The following RETSAT variants were observed in gnomAD, a reference collection of about 807,000 sequenced individuals.
RETSAT encodes retinol saturase, also known as all-trans-retinol 13,14-reductase.
A neutral mutation model predicts 61.6 loss-of-function variants in RETSAT; 35 were observed. The ratio of observed to expected loss-of-function variants is 0.57; its 90% CI spans 0.43 to 0.75. RETSAT has a LOEUF of 0.75. Ranked by LOEUF, RETSAT falls within the 30% of genes least tolerant of loss-of-function variation. The probability of loss-of-function intolerance (pLI) is 0.00; values close to 1 mark genes in which losing one functional copy is unlikely to be tolerated. For missense variants in RETSAT, 670 were observed against 759.5 expected, an observed-to-expected ratio of 0.88 and a Z score of 1.38; for synonymous variants, 277 against 310.4, an observed-to-expected ratio of 0.89 and a Z score of 1.13.
At position 85,349,546 on chromosome 2, in the gene RETSAT, C is replaced by T. The variant is rs149931287; in HGVS notation, c.835G>A (p.Ala279Thr). ...TTCATGTAGTGGTTGACCAGCAGGG[C>T]GTGCATGGAAAAGGCACTGTGGTTG... Reference protein sequence around the residue: ...TPNHSAFSMHALLVNHYMKGG... With the variant: ...TPNHSAFSMHTLLVNHYMKGG... Residue 279 changes from alanine to threonine, a missense_variant, in exon 5 of 11, where the codon GCC becomes ACC. By Grantham distance (58) the Ala-to-Thr change is moderately conservative. Transcript: ENST00000295802. 3.6e-4 allele frequency: 584 copies of T among 1,613,996 alleles called. No individual in the cohort carries two copies. The highest frequency in any genetic ancestry group is 8.8e-4 in the Admixed American group (53 of 59,994).
At position 85,350,793 on chromosome 2, in the gene RETSAT, A is replaced by C. The variant is rs1202573412; in HGVS notation, c.584T>G (p.Ile195Arg). 1.2e-6 allele frequency: 2 copies of C among 1,614,070 alleles called. No individual in the cohort carries two copies. Among genetic ancestry groups the C allele is most frequent in the African/African-American group, 2.7e-5 (2 of 74,928 alleles). The change falls in exon 3 of 11, where the codon ATA becomes AGA. Residue 195 changes from isoleucine (I) to arginine (R), a missense_variant. By Grantham distance (97) the Ile-to-Arg change is moderately conservative. Transcript: ENST00000295802. The stretch of plus-strand genomic sequence containing the variant: ...TGTCCATGTTACCTTAACCAGCTTT[A>C]TATACTTGTCAATGATAGCTTCCTC... ...PQEEAIIDKY[I>R]KLVKVVSSGA... is the part of the protein sequence containing the mutation.
chr2:85,354,270 A>T, intron 1 of RETSAT, 66 bp downstream of exon 1: 2 of 1,588,448 alleles, frequency 1.3e-6, no homozygotes, highest in African/African-American at 2.7e-5. Context: ...GCCTTGGCAA[A>T]ATGAGAACCC....
Position 85,349,447 on chromosome 2 carries a change from C to G in RETSAT, c.934G>C (p.Gly312Arg). 6.2e-7 allele frequency: 1 copy of G among 1,614,184 alleles called. No individual in the cohort carries two copies. Among genetic ancestry groups the G allele is most frequent in the Non-Finnish European group, 8.5e-7 (1 of 1,180,038 alleles). ...HTIPVIQRAG[G>R]AVLTKATVQS... ...ACAGTGGCCTTTGTGAGGACAGCGC[C>G]CCCAGCCCGCTGAATCACAGGGATG... The change falls in exon 5 of 11, where the codon GGC becomes CGC. Residue 312 changes from glycine to arginine, a missense_variant. By Grantham distance (125) the Gly-to-Arg change is moderately radical. Coordinates refer to ENST00000295802, the MANE Select transcript of RETSAT (RefSeq NM_017750.4).
chr2:85,351,902 G>C, intron 1 of RETSAT, 40 bp from the exon 2 acceptor site: 1 of 1,591,592 alleles, frequency 6.3e-7, no homozygotes, highest in African/African-American at 1.3e-5. Context: ...CTCAGGCAGG[G>C]GCAGGGAAAT....
rs1208065747 is a variant in RETSAT, at chr2:85,350,179, C to G, written c.660G>C (p.Gln220His). ...LLKFLPLPVV[Q>H]LLDRCGLLTR... Reference sequence around the variant, plus strand: ...TCAGCAGCCCACACCTGTCGAGGAGCTGAACCACGGGCAATGGGAGGAATT... The same window carrying G: ...TCAGCAGCCCACACCTGTCGAGGAGGTGAACCACGGGCAATGGGAGGAATT... The change falls in exon 4 of 11, where the codon CAG becomes CAC. Residue 220 changes from glutamine (Q) to histidine (H), a missense_variant. By Grantham distance (24) the Gln-to-His change is conservative. Coordinates refer to ENST00000295802, the MANE Select transcript of RETSAT (RefSeq NM_017750.4). 6.2e-7 allele frequency: 1 copy of G among 1,613,898 alleles called. No homozygotes were observed. The highest frequency in any genetic ancestry group is 8.5e-7 in the Non-Finnish European group (1 of 1,180,034).
At chr2:85,343,406 T>G in intron 10 of RETSAT, 25 bp from the exon 11 acceptor site, 2 of 1,604,280 alleles carry the variant, frequency 1.2e-6, no homozygotes, top group Non-Finnish European at 1.7e-6. Flanking sequence ...CAGAGGCCCC[T>G]GAGCGTGCAC....
intron 1 of RETSAT, among the ~76,000 whole-genome samples, chr2:85,353,404 A>G (rs879464571): frequency 1.3e-5 from 2 of 152,274 alleles, no homozygotes; most frequent in Non-Finnish European, 2.9e-5. Flanking sequence ...ACTGCACTCT[A>G]GCATGGACAA....
At chr2:85,351,187 A>T (rs1683292999) in intron 2 of RETSAT, among the ~76,000 whole-genome samples, 166 bp from the exon 3 acceptor site, 1 of 152,124 alleles carries the variant, frequency 6.6e-6, no homozygotes, top group Admixed American at 6.5e-5. Context: ...AAACCGCCAG[A>T]TCGCTGCCCG....
chr2:85,344,381 G>A, intron 7 of RETSAT, 33 bp from the exon 8 acceptor site: 1 of 1,606,766 alleles, frequency 6.2e-7, no homozygotes, highest in Non-Finnish European at 8.5e-7. Flanking sequence ...GGGATCTCCA[G>A]GTTTTTGTCC....
intron 2 of RETSAT, among the ~76,000 whole-genome samples, chr2:85,351,238 C>A (rs1256777872): frequency 6.6e-6 from 1 of 152,058 alleles, no homozygotes; most frequent in Non-Finnish European, 1.5e-5. Flanking sequence ...AAGAAAACTG[C>A]CCAGAGGCTG....
intron 5 of RETSAT, among the ~76,000 whole-genome samples, chr2:85,347,265 C>T (rs1323693319): frequency 1.3e-5 from 2 of 152,004 alleles, no homozygotes; most frequent in South Asian, 4.2e-4. Flanking sequence ...AGCCTCGCTC[C>T]GTTGCCCAGG....
intron 6 of RETSAT, among the ~76,000 whole-genome samples, chr2:85,345,002 G>A (rs968753072): frequency 1.3e-5 from 2 of 152,220 alleles, no homozygotes; most frequent in Middle Eastern, 3.2e-3. Context: ...GGCCAGGACA[G>A]TGTCAGTTCC....
chr2:85,351,610 C>T lies in RETSAT; in HGVS notation c.355+70G>A, dbSNP rs1683300539. ...AAACAACAGAAATGCTCAGTATCAC[C>T]CCACAAGGGCTGCTCCAAGCCTCTT... is the stretch of plus-strand genomic sequence containing the variant. On this transcript the variant is annotated intron_variant, in intron 2 of 10. Transcript: ENST00000295802. 11 of 1,462,496 alleles carry T rather than the reference C, an allele frequency of 7.5e-6. No homozygotes were observed. In the Admixed American group the frequency reaches 1.6e-4, roughly 22 times the overall value. 90.6% of individuals were successfully genotyped at this position (1,462,496 alleles called of 1,614,324 possible).
Position 85,344,131 on chromosome 2 carries a change from G to T in RETSAT, c.1401C>A (p.Ala467=). Residue 467 remains alanine (A), a synonymous_variant, in exon 9 of 11, where the codon GCC becomes GCA. Coordinates refer to ENST00000295802, the MANE Select transcript of RETSAT (RefSeq NM_017750.4). ...CCTGCCACTCCTCAAACCACTCGTA[G>T]GCAGTGGGTATGAGCATGATCATGG... is the stretch of plus-strand genomic sequence containing the variant. ...RSTMIMLIPT[A]YEWFEEWQAE... 6.2e-7 allele frequency: 1 copy of T among 1,614,082 alleles called. No individual in the cohort carries two copies. The highest frequency in any genetic ancestry group is 8.5e-7 in the Non-Finnish European group (1 of 1,180,016).
rs780432354 is a variant in RETSAT, at chr2:85,344,184, A to G, written c.1367-19T>C. The G allele has an allele frequency of 1.9e-6, 3 of 1,613,990 alleles. No homozygotes were observed. Among genetic ancestry groups the G allele is most frequent in the South Asian group, 2.2e-5 (2 of 91,082 alleles). On this transcript the variant is annotated intron_variant, in intron 8 of 10. Coordinates refer to ENST00000295802, the MANE Select transcript of RETSAT (RefSeq NM_017750.4). ...GACCGGCCTGGGGATCAGAGCTGAT[A>G]TTACTACTGCCCGGCCTCTCCCTCC...
chr2:85,343,390 C>T lies in RETSAT; in HGVS notation c.1694-9G>A. On this transcript the variant is annotated splice_polypyrimidine_tract_variant and intron_variant, in intron 10 of 10. Coordinates refer to ENST00000295802, the MANE Select transcript of RETSAT (RefSeq NM_017750.4). ...GGTGAAGATATCCTGGCCTAGGAGG[C>T]AAGAGCAGAGGCCCCTGAGCGTGCA... 6.2e-7 allele frequency: 1 copy of T among 1,610,118 alleles called. No homozygotes were observed. The highest frequency in any genetic ancestry group is 8.5e-7 in the Non-Finnish European group (1 of 1,177,478).
At position 85,350,927 on chromosome 2, in the gene RETSAT, G is replaced by T. The variant is rs139170717; in HGVS notation, c.450C>A (p.Ser150=). The change falls in exon 3 of 11, where the codon TCC becomes TCA. Residue 150 remains serine, a synonymous_variant. Coordinates refer to ENST00000295802, the MANE Select transcript of RETSAT (RefSeq NM_017750.4). ...TEGQLDWAPL[S]SPFDIMVLEG... is the part of the protein sequence containing the mutation. ...CCAGTACCATGATGTCAAAAGGAGA[G>T]GACAGGGGAGCCCAGTCCAGCTGCC... 113 of 1,614,068 alleles carry T rather than the reference G, an allele frequency of 7.0e-5. No individual in the cohort carries two copies. The highest frequency in any genetic ancestry group is 9.2e-5 in the Non-Finnish European group (109 of 1,180,046).
intron 6 of RETSAT, chr2:85,345,653 G>A (rs1683184100): frequency 4.8e-6 from 2 of 418,702 alleles, no homozygotes; most frequent in Non-Finnish European, 9.0e-6. Flanking sequence ...TTCTCTTCCT[G>A]AGGCCTCTTC....
At position 85,342,911 on chromosome 2, in the gene RETSAT, G is replaced by A; in HGVS notation, c.*331C>T. 2 of 273,262 alleles carry A rather than the reference G, an allele frequency of 7.3e-6. No homozygotes were observed. The highest frequency in any genetic ancestry group is 1.5e-5 in the Non-Finnish European group (2 of 136,492). 16.9% of individuals were successfully genotyped at this position (273,262 alleles called of 1,614,324 possible). A position where few individuals can be genotyped will look rare whatever the true frequency, so the allele number is the denominator to read the frequency against. On this transcript the variant is annotated 3_prime_UTR_variant, in exon 11 of 11. Coordinates refer to ENST00000295802, the MANE Select transcript of RETSAT (RefSeq NM_017750.4). ...ACTGCCAGGGGTTCTATCCACAGATGGAATATTCGCTTTGATCACTGAGTT... is the reference window on the plus strand; with the variant it reads ...ACTGCCAGGGGTTCTATCCACAGATAGAATATTCGCTTTGATCACTGAGTT...
Sources: allele counts gnomAD v4.1 joint callset (sites outside exome capture counted in the v4.1 genomes callset), GRCh38; gene constraint gnomAD v4.1.1; transcripts MANE v1.5; gene names NCBI Gene and HGNC (gene_info 2026-07-23, HGNC 2026-07-21).